Variants in EEF2K observed in about 807,000 individuals in gnomAD.
The protein encoded by EEF2K is alternative protein EEF2K.
A neutral mutation model predicts 93.8 loss-of-function variants in EEF2K; 70 were observed. That is an observed-to-expected ratio of 0.75 (90% confidence interval 0.62 to 0.91). The LOEUF (loss-of-function observed/expected upper bound fraction) is 0.91, where lower values mean the gene tolerates loss of function less well. Among genes scored for constraint, EEF2K ranks in the 40% least tolerant of loss-of-function variants. The pLI, the probability that EEF2K is intolerant of heterozygous loss-of-function variation, is 0.00. For synonymous variants in EEF2K, 376 were observed against 380.8 expected (o/e 0.99, Z 0.15); for missense variants, 935 against 972.9 (o/e 0.96, Z 0.52).
chr16:22,225,704 T>C lies in EEF2K; in HGVS notation c.-26T>C. The C allele has an allele frequency of 6.2e-7, 1 of 1,610,720 alleles. No individual in the cohort carries two copies. The highest frequency in any genetic ancestry group is 8.5e-7 in the Non-Finnish European group (1 of 1,178,000). On this transcript the variant is annotated 5_prime_UTR_variant, in exon 2 of 18. Transcript: ENST00000263026. ...TAACTCTGGCTGTGCCGGATACTGCTTGGGTAAAACGGGCACCCCAGGAAC... is the reference window on the plus strand; with the variant it reads ...TAACTCTGGCTGTGCCGGATACTGCCTGGGTAAAACGGGCACCCCAGGAAC...
At chr16:22,274,140 T>C (rs888480754) in intron 16 of EEF2K, among the ~76,000 whole-genome samples, 1 of 151,964 alleles carries the variant, frequency 6.6e-6, no homozygotes, top group Non-Finnish European at 1.5e-5. Flanking sequence ...ACTCTGTCTC[T>C]ACTGAAAATA....
intron 15 of EEF2K, among the ~76,000 whole-genome samples, chr16:22,268,304 G>A (rs1353019917): frequency 2.6e-5 from 4 of 151,814 alleles, no homozygotes; most frequent in Non-Finnish European, 5.9e-5. Flanking sequence ...TCAGACTCCC[G>A]AGTAGCTGGG....
intron 2 of EEF2K, among the ~76,000 whole-genome samples, chr16:22,233,997 G>A (rs566800833): frequency 6.6e-6 from 1 of 152,166 alleles, no homozygotes; most frequent in Non-Finnish European, 1.5e-5. Context: ...TCCTTGTAGG[G>A]TATGTAGGTT....
chr16:22,266,413 C>G lies in EEF2K; in HGVS notation c.1464C>G (p.Leu488=). 1 of 1,614,178 alleles carries G rather than the reference C, an allele frequency of 6.2e-7. No individual in the cohort carries two copies. The change falls in exon 14 of 18, where the codon CTC becomes CTG. Residue 488 remains leucine, a synonymous_variant. Coordinates refer to ENST00000263026, the MANE Select transcript of EEF2K (RefSeq NM_013302.5). ...SGRVCVEKWN[L]LNSSRLHLPR... is the part of the protein sequence containing the mutation. The stretch of plus-strand genomic sequence containing the variant: ...AGGTATGTGTAGAGAAGTGGAATCT[C>G]CTCAACTCCTCCCGCCTCCACCTGC...
intron 11 of EEF2K, among the ~76,000 whole-genome samples, chr16:22,262,001 C>CCAAACACACACACA (rs536921866): frequency 3.6e-5 from 5 of 138,018 alleles, no homozygotes; most frequent in African/African-American, 1.3e-4. Context: ...TGAGACCCTG[C>CCAAACACACACACA]CACACACACA....
At chr16:22,255,409 C>G (rs528597417) in intron 6 of EEF2K, among the ~76,000 whole-genome samples, 1 of 152,292 alleles carries the variant, frequency 6.6e-6, no homozygotes, top group East Asian at 1.9e-4. Flanking sequence ...GCCATCCCCT[C>G]AGGGGTTTGC....
At chr16:22,230,725 T>C (rs1379318720) in intron 2 of EEF2K, among the ~76,000 whole-genome samples, 1 of 152,180 alleles carries the variant, frequency 6.6e-6, no homozygotes, top group Non-Finnish European at 1.5e-5. Flanking sequence ...GAGGTCTTAC[T>C]ATGTTACCCA....
At chr16:22,243,293 T>A (rs1243419793) in intron 2 of EEF2K, among the ~76,000 whole-genome samples, 1 of 142,952 alleles carries the variant, frequency 7.0e-6, no homozygotes, top group African/African-American at 2.6e-5. Flanking sequence ...CCTCTGTCAC[T>A]CAGGCTGGAG....
At chr16:22,230,902 C>T (rs1042260090) in intron 2 of EEF2K, among the ~76,000 whole-genome samples, 1 of 152,078 alleles carries the variant, frequency 6.6e-6, no homozygotes, top group Admixed American at 6.6e-5. Flanking sequence ...AGGGGGATTA[C>T]AGGAGTGAGC....
chr16:22,245,526 G>T (rs934568962), intron 3 of EEF2K, among the ~76,000 whole-genome samples: 2 of 152,000 alleles, frequency 1.3e-5, no homozygotes, highest in African/African-American at 4.8e-5. Context: ...TGTTCTCACC[G>T]AGGGTGGGGT....
intron 12 of EEF2K, among the ~76,000 whole-genome samples, chr16:22,264,492 A>G (rs560377662): frequency 6.6e-6 from 1 of 151,914 alleles, no homozygotes; most frequent in East Asian, 1.9e-4. Context: ...TAAACTAAAC[A>G]TGCAGTAGGA....
chr16:22,285,927 T>C lies in EEF2K; in HGVS notation c.*1931T>C. On this transcript the variant is annotated 3_prime_UTR_variant, in exon 18 of 18. Transcript: ENST00000263026. ...CAGGCTGGTCTCGAACTCCTGGACT[T>C]AAGTGAGCCTCCCGCCTCAGTCTCC... 1 of 152,180 alleles carries C rather than the reference T, an allele frequency of 6.6e-6. No homozygotes were observed. The highest frequency in any genetic ancestry group is 1.5e-5 in the Non-Finnish European group (1 of 68,048). 9.4% of individuals were successfully genotyped at this position (152,180 alleles called of 1,614,324 possible).
chr16:22,251,023 C>T, intron 5 of EEF2K, 128 bp from the exon 6 acceptor site: 1 of 1,163,240 alleles, frequency 8.6e-7, no homozygotes, highest in Admixed American at 2.2e-5. Context: ...TTCTTACCTC[C>T]TGCATTTTGT....
intron 13 of EEF2K, 149 bp from the exon 14 acceptor site, chr16:22,266,241 A>T: frequency 8.6e-7 from 1 of 1,157,010 alleles, no homozygotes; most frequent in Non-Finnish European, 1.2e-6. Flanking sequence ...AAAAAATTGG[A>T]GCCATGTTTT....
At chr16:22,243,922 CAAAAAAAAA>C (rs1011054825) in intron 2 of EEF2K, among the ~76,000 whole-genome samples, 1 of 61,996 alleles carries the variant, frequency 1.6e-5, no homozygotes, top group Non-Finnish European at 3.0e-5. Flanking sequence ...GACCCTGTCT[CAAAAAAAAA>C]AAAAAAAAAA....
At chr16:22,250,715 G>T (rs1177663140) in intron 5 of EEF2K, 24 bp downstream of exon 5, 1 of 1,613,946 alleles carries the variant, frequency 6.2e-7, no homozygotes, top group East Asian at 2.2e-5. Context: ...CCTGGCTCTT[G>T]GGGCCCTGCC....
intron 2 of EEF2K, among the ~76,000 whole-genome samples, chr16:22,237,506 C>T (rs917231311): frequency 7.6e-4 from 115 of 151,682 alleles, no homozygotes; most frequent in African/African-American, 2.7e-3. Flanking sequence ...GGCGTGGTGG[C>T]GTGTGCCCAT....
rs148900134 is a variant in EEF2K, at chr16:22,266,126, G to A, written c.1441-264G>A. Among the ~76,000 whole-genome samples, 12 of 152,200 alleles carry A rather than the reference G, an allele frequency of 7.9e-5. No homozygotes were observed. In the East Asian group the frequency reaches 2.3e-3, roughly 29 times the overall value. Reference sequence around the variant, plus strand: ...CGTCCCAGCTACTCGGGAAGCTGAGGCAGAAGAATCGCTTGAACCTGGGAG... The same window carrying A: ...CGTCCCAGCTACTCGGGAAGCTGAGACAGAAGAATCGCTTGAACCTGGGAG... On this transcript the variant is annotated intron_variant, in intron 13 of 17. Transcript: ENST00000263026.
At chr16:22,234,206 G>A (rs1471946139) in intron 2 of EEF2K, among the ~76,000 whole-genome samples, 2 of 152,182 alleles carry the variant, frequency 1.3e-5, no homozygotes, top group South Asian at 2.1e-4. Context: ...TGATGGGTGG[G>A]TACACCTGCT....
Sources: gnomAD v4.1 joint callset for allele counts (sites outside exome capture counted in the v4.1 genomes callset) on GRCh38, gnomAD v4.1.1 for gene constraint, MANE v1.5 for transcripts, NCBI Gene and HGNC (gene_info 2026-07-23, HGNC 2026-07-21) for gene names.